The following CYP7B1 variants were observed in gnomAD, a reference collection of about 807,000 sequenced individuals.
The protein encoded by CYP7B1 is cytochrome P450 7B1.
A neutral mutation model predicts 42.7 loss-of-function variants in CYP7B1; 29 were observed. The ratio of observed to expected loss-of-function variants is 0.68; its 90% CI spans 0.51 to 0.93. The LOEUF (loss-of-function observed/expected upper bound fraction) is 0.93, where lower values mean the gene tolerates loss of function less well. Among genes scored for constraint, CYP7B1 ranks in the 40% least tolerant of loss-of-function variants. The pLI is 0.00. For missense variants in CYP7B1, 655 were observed against 600.5 expected, an observed-to-expected ratio of 1.09 and a Z score of -0.95; for synonymous variants, 235 against 218.2, an observed-to-expected ratio of 1.08 and a Z score of -0.68.
At chr8:64,681,206 T>G (rs898799087) in intron 1 of CYP7B1, among the ~76,000 whole-genome samples, 4 of 152,196 alleles carry the variant, frequency 2.6e-5, no homozygotes, top group African/African-American at 9.7e-5. Context: ...ACATTATTTT[T>G]TGGTGGAAAA....
intron 1 of CYP7B1, among the ~76,000 whole-genome samples, chr8:64,766,665 G>T (rs1052663596): frequency 1.3e-5 from 2 of 152,136 alleles, no homozygotes; most frequent in Non-Finnish European, 2.9e-5. Context: ...AAGATTGTCC[G>T]AATAGAAATA....
At chr8:64,719,512 C>T (rs946148802) in intron 1 of CYP7B1, among the ~76,000 whole-genome samples, 70 of 152,314 alleles carry the variant, frequency 4.6e-4, no homozygotes, top group Middle Eastern at 3.4e-3. Flanking sequence ...CAGAGCTACA[C>T]GCTGCCTTTG....
At chr8:64,700,004 A>T (rs566418940) in intron 1 of CYP7B1, among the ~76,000 whole-genome samples, 1 of 152,250 alleles carries the variant, frequency 6.6e-6, no homozygotes, top group Non-Finnish European at 1.5e-5. Context: ...AGACAACTTG[A>T]GTCCCACTGC....
intron 1 of CYP7B1, among the ~76,000 whole-genome samples, chr8:64,735,896 C>T (rs1009422844): frequency 2.6e-5 from 4 of 151,978 alleles, no homozygotes; most frequent in African/African-American, 9.6e-5. Flanking sequence ...TGTTTCTTCC[C>T]CTACAATACT....
intron 1 of CYP7B1, among the ~76,000 whole-genome samples, chr8:64,635,227 C>T (rs1204160510): frequency 6.6e-5 from 10 of 152,212 alleles, no homozygotes; most frequent in Non-Finnish European, 1.5e-5. Context: ...TAATCCAACT[C>T]TGTCTAGAAA....
intron 1 of CYP7B1, among the ~76,000 whole-genome samples, chr8:64,776,839 GAC>G (rs1804334287): frequency 6.6e-6 from 1 of 152,040 alleles, no homozygotes; most frequent in African/African-American, 2.4e-5. Flanking sequence ...TATCCTCAAA[GAC>G]ACAGAGATGC....
At chr8:64,606,390 G>A (rs1021646563) in intron 4 of CYP7B1, among the ~76,000 whole-genome samples, 1 of 152,218 alleles carries the variant, frequency 6.6e-6, no homozygotes, top group Non-Finnish European at 1.5e-5. Flanking sequence ...AGCAACAATA[G>A]CACAGCATCC....
At chr8:64,747,091 A>G (rs929517082) in intron 1 of CYP7B1, among the ~76,000 whole-genome samples, 1 of 150,464 alleles carries the variant, frequency 6.6e-6, no homozygotes, top group Admixed American at 6.6e-5. Context: ...TGTGAATTAC[A>G]AATTAATTTT....
intron 1 of CYP7B1, among the ~76,000 whole-genome samples, chr8:64,797,982 T>C (rs1196921141): frequency 6.6e-6 from 1 of 152,256 alleles, no homozygotes; most frequent in Non-Finnish European, 1.5e-5. Context: ...AGGCATGTAC[T>C]ATTATTTCAG....
chr8:64,734,649 C>T (rs1807460761), intron 1 of CYP7B1, among the ~76,000 whole-genome samples: 5 of 152,124 alleles, frequency 3.3e-5, no homozygotes, highest in Admixed American at 3.3e-4. Context: ...TAGCAGATCC[C>T]CAGTGCCTAG....
chr8:64,614,462 C>T (rs919810654), intron 4 of CYP7B1, among the ~76,000 whole-genome samples: 3 of 152,114 alleles, frequency 2.0e-5, no homozygotes, highest in Non-Finnish European at 2.9e-5. Flanking sequence ...TTCCTTCCCT[C>T]TGTCCCTCCT....
intron 1 of CYP7B1, among the ~76,000 whole-genome samples, chr8:64,715,344 G>A (rs1807139979): frequency 6.6e-6 from 1 of 152,166 alleles, no homozygotes; most frequent in South Asian, 2.1e-4. Flanking sequence ...TCTAAAGTAT[G>A]CATAGTATTG....
chr8:64,591,511 T>G lies in CYP7B1; in HGVS notation c.*5131A>C, dbSNP rs1805032773. 6.6e-6 allele frequency among the ~76,000 whole-genome samples: 1 copy of G among 152,238 alleles called. No individual in the cohort carries two copies. The highest frequency in any genetic ancestry group is 2.4e-5 in the African/African-American group (1 of 41,466). On this transcript the variant is annotated 3_prime_UTR_variant, in exon 6 of 6. Coordinates refer to ENST00000310193, the MANE Select transcript of CYP7B1 (RefSeq NM_004820.5). ...ACTAGATAAATGTTGTGCTTTGGTCTTTGAACAGTTTTAAACTTCTACTGT... is the reference window on the plus strand; with the variant it reads ...ACTAGATAAATGTTGTGCTTTGGTCGTTGAACAGTTTTAAACTTCTACTGT...
chr8:64,788,983 T>C (rs1804572914), intron 1 of CYP7B1, among the ~76,000 whole-genome samples: 1 of 151,862 alleles, frequency 6.6e-6, no homozygotes, highest in African/African-American at 2.4e-5. Flanking sequence ...TGCAGTGGTG[T>C]GATCTCGGCT....
intron 4 of CYP7B1, 42 bp downstream of exon 4, chr8:64,614,984 A>G (rs1805411967): frequency 6.2e-7 from 1 of 1,603,848 alleles, no homozygotes; most frequent in Non-Finnish European, 8.5e-7. Context: ...GAGTTTGCAG[A>G]GAGGTACCTT....
At chr8:64,768,179 T>C (rs935730442) in intron 1 of CYP7B1, among the ~76,000 whole-genome samples, 5 of 152,048 alleles carry the variant, frequency 3.3e-5, no homozygotes, top group Non-Finnish European at 7.4e-5. Context: ...TTCACTAAAA[T>C]ACAAATTAGG....
At chr8:64,702,235 A>G (rs999949814) in intron 1 of CYP7B1, among the ~76,000 whole-genome samples, 3 of 152,066 alleles carry the variant, frequency 2.0e-5, no homozygotes, top group Non-Finnish European at 4.4e-5. Flanking sequence ...AAATGAACAA[A>G]GAAAAACACT....
intron 1 of CYP7B1, among the ~76,000 whole-genome samples, chr8:64,749,474 T>C (rs1563414381): frequency 6.6e-6 from 1 of 152,040 alleles, no homozygotes; most frequent in Admixed American, 6.6e-5. Flanking sequence ...TCCAGGTAAA[T>C]GATGATGGCA....
At position 64,590,922 on chromosome 8, in the gene CYP7B1, C is replaced by T. The variant is rs1384045736; in HGVS notation, c.*5720G>A. 2.0e-5 allele frequency among the ~76,000 whole-genome samples: 3 copies of T among 152,092 alleles called. No homozygotes were observed. The highest frequency in any genetic ancestry group is 1.5e-5 in the Non-Finnish European group (1 of 67,962). The stretch of plus-strand genomic sequence containing the variant: ...CATTAAGTATTAGACTTGCAAAGCA[C>T]TTGCATTTCTTATCTGACATCTTTT... On this transcript the variant is annotated 3_prime_UTR_variant, in exon 6 of 6. Coordinates refer to ENST00000310193, the MANE Select transcript of CYP7B1 (RefSeq NM_004820.5).
Sources: allele counts gnomAD v4.1 joint callset (sites outside exome capture counted in the v4.1 genomes callset), GRCh38; gene constraint gnomAD v4.1.1; transcripts MANE v1.5; gene names NCBI Gene and HGNC (gene_info 2026-07-23, HGNC 2026-07-21).